DCLK1: variants seen among roughly 807,000 people sequenced by gnomAD.
DCLK1 encodes doublecortin like kinase 1.
A neutral mutation model predicts 86.2 loss-of-function variants in DCLK1; 16 were observed. The observed-to-expected ratio is 0.19, with a 90% confidence interval of 0.13 to 0.28. The LOEUF is 0.28. DCLK1 is among the 10% of genes least tolerant of loss of function. The pLI, the probability that DCLK1 is intolerant of heterozygous loss-of-function variation, is 1.00. For synonymous variants in DCLK1, 369 were observed against 370.5 expected, an observed-to-expected ratio of 1.00 and a Z score of 0.05; for missense variants, 590 against 940.2, an observed-to-expected ratio of 0.63 and a Z score of 4.87.
At chr13:36,013,839 T>C (rs1168304176) in intron 3 of DCLK1, among the ~76,000 whole-genome samples, 1 of 152,224 alleles carries the variant, frequency 6.6e-6, no homozygotes, top group Non-Finnish European at 1.5e-5. Flanking sequence ...CTCTGCCGCC[T>C]TGCAGTTTGA....
chr13:35,966,557 G>A (rs142679308), intron 3 of DCLK1, among the ~76,000 whole-genome samples: 6,108 of 130,788 alleles, frequency 0.047, 375 homozygotes, highest in African/African-American at 0.16. Context: ...GATGCTGAGC[G>A]GAGGCTGGAC....
At chr13:35,852,261 A>C (rs1222448881) in intron 6 of DCLK1, among the ~76,000 whole-genome samples, 1 of 152,142 alleles carries the variant, frequency 6.6e-6, no homozygotes, top group South Asian at 2.1e-4. Flanking sequence ...GTTTTTAGGG[A>C]TCTTCTAGGC....
chr13:36,112,010 G>T lies in DCLK1; in HGVS notation c.582C>A (p.Gly194=), dbSNP rs571952517. Residue 194 remains glycine (G), a synonymous_variant, in exon 3 of 17, where the codon GGC becomes GGA. Transcript: ENST00000360631. ...RPKLVTIIRS[G]VKPRKAVRIL... ...TCCTGACAGCTTTCCGTGGCTTCAC[G>T]CCACTTCTGATGATGGTGACCAGCT... The T allele has an allele frequency of 1.2e-6, 2 of 1,614,164 alleles. No homozygotes were observed. Among genetic ancestry groups the T allele is most frequent in the Admixed American group, 3.3e-5 (2 of 60,024 alleles).
intron 4 of DCLK1, among the ~76,000 whole-genome samples, chr13:35,880,595 A>G (rs978347097): frequency 2.6e-5 from 4 of 152,202 alleles, no homozygotes; most frequent in African/African-American, 9.7e-5. Context: ...ACAAACATGT[A>G]CCCCTTTTGC....
At chr13:36,082,698 G>A (rs1052658752) in intron 3 of DCLK1, among the ~76,000 whole-genome samples, 13 of 152,288 alleles carry the variant, frequency 8.5e-5, no homozygotes, top group Middle Eastern at 3.4e-3. Context: ...AGCACAGTTT[G>A]TAAAACTTAT....
chr13:35,853,725 C>T (rs528139497), intron 6 of DCLK1, among the ~76,000 whole-genome samples: 1 of 152,318 alleles, frequency 6.6e-6, no homozygotes, highest in African/African-American at 2.4e-5. Context: ...TAGGAGCGTA[C>T]ATTCCCCCCA....
chr13:36,048,326 AT>A (rs1484266423), intron 3 of DCLK1, among the ~76,000 whole-genome samples: 1 of 152,172 alleles, frequency 6.6e-6, no homozygotes, highest in Non-Finnish European at 1.5e-5. Flanking sequence ...GTATAAAAAT[AT>A]TCTTTTATAT....
intron 3 of DCLK1, among the ~76,000 whole-genome samples, chr13:36,100,867 C>G (rs1885193590): frequency 6.6e-6 from 1 of 152,202 alleles, no homozygotes; most frequent in African/African-American, 2.4e-5. Context: ...TTTCCATAGT[C>G]AAGTCTGCAG....
intron 3 of DCLK1, among the ~76,000 whole-genome samples, chr13:36,034,344 G>A (rs537446455): frequency 3.3e-5 from 5 of 152,210 alleles, no homozygotes; most frequent in African/African-American, 1.2e-4. Flanking sequence ...TTCAAGTTTG[G>A]TTTAATTATG....
At chr13:36,051,806 T>C (rs1883132788) in intron 3 of DCLK1, among the ~76,000 whole-genome samples, 1 of 152,186 alleles carries the variant, frequency 6.6e-6, no homozygotes, top group Non-Finnish European at 1.5e-5. Context: ...TGCCCCTTTT[T>C]TTCTCAGTAG....
At chr13:35,941,544 G>A (rs1047411040) in intron 4 of DCLK1, among the ~76,000 whole-genome samples, 4 of 152,100 alleles carry the variant, frequency 2.6e-5, no homozygotes, top group East Asian at 1.9e-4. Context: ...CCTGGAGATC[G>A]GGCACTACAC....
chr13:35,836,604 A>T (rs771197411), intron 7 of DCLK1, among the ~76,000 whole-genome samples: 16 of 152,192 alleles, frequency 1.1e-4, no homozygotes, highest in Non-Finnish European at 2.2e-4. Context: ...TAGTTTTACT[A>T]CATCCTGAAA....
intron 5 of DCLK1, among the ~76,000 whole-genome samples, chr13:35,859,298 G>C (rs976241578): frequency 6.6e-6 from 1 of 152,196 alleles, no homozygotes; most frequent in Non-Finnish European, 1.5e-5. Flanking sequence ...CCTTTACCCA[G>C]TTCTGGTCTC....
At chr13:36,022,718 T>A (rs1250079246) in intron 3 of DCLK1, among the ~76,000 whole-genome samples, 1 of 152,006 alleles carries the variant, frequency 6.6e-6, no homozygotes, top group Non-Finnish European at 1.5e-5. Context: ...AAGTAAAAAA[T>A]CTAATTAGAC....
At chr13:35,905,220 C>A (rs1406352101) in intron 4 of DCLK1, among the ~76,000 whole-genome samples, 1 of 152,206 alleles carries the variant, frequency 6.6e-6, no homozygotes, top group Non-Finnish European at 1.5e-5. Flanking sequence ...GTCTTACCCT[C>A]CAGCCAGCCA....
intron 2 of DCLK1, among the ~76,000 whole-genome samples, chr13:36,115,076 G>A (rs1885736984): frequency 1.3e-5 from 2 of 152,148 alleles, no homozygotes; most frequent in African/African-American, 4.8e-5. Flanking sequence ...TGAGGTGGGA[G>A]AATCACTTGA....
intron 3 of DCLK1, among the ~76,000 whole-genome samples, chr13:35,992,302 C>A (rs1437400819): frequency 1.3e-5 from 2 of 152,158 alleles, no homozygotes; most frequent in Non-Finnish European, 2.9e-5. Flanking sequence ...CTTTTGCAAG[C>A]CATAGTCTCA....
rs548071106 is a variant in DCLK1 at position 35,772,413 on chromosome 13, C to T, written c.*2122G>A. On this transcript the variant is annotated 3_prime_UTR_variant, in exon 17 of 17. Transcript: ENST00000360631. ...AGGTCTCTGCCCATTGCATTCTTCA[C>T]ACTTTTAGAGTTGAGGCCAGGCTGT... 3.9e-5 allele frequency: 6 copies of T among 152,310 alleles called. No homozygotes were observed. In the East Asian group the frequency reaches 5.8e-4, roughly 15 times the overall value. 9.4% of individuals were successfully genotyped at this position (152,310 alleles called of 1,614,324 possible).
intron 3 of DCLK1, among the ~76,000 whole-genome samples, chr13:36,078,065 T>C (rs187785056): frequency 3.3e-5 from 5 of 152,148 alleles, no homozygotes; most frequent in Non-Finnish European, 7.4e-5. Context: ...GCCTTTGGAG[T>C]GATTAGGTTT....
Sources: allele counts gnomAD v4.1 joint callset (sites outside exome capture counted in the v4.1 genomes callset), GRCh38; gene constraint gnomAD v4.1.1; transcripts MANE v1.5; gene names NCBI Gene and HGNC (gene_info 2026-07-23, HGNC 2026-07-21).